AUH: variants seen among roughly 807,000 people sequenced by gnomAD.
AUH encodes AU RNA binding methylglutaconyl-CoA hydratase.
AUH carries 29 observed loss-of-function variants against 42.3 expected under a neutral mutation model. The observed-to-expected ratio is 0.69, with a 90% CI of 0.51 to 0.93. The LOEUF is 0.93. Among genes scored for constraint, AUH ranks in the 40% least tolerant of loss-of-function variants. The probability of loss-of-function intolerance (pLI) is 0.00; values close to 1 mark genes in which losing one functional copy is unlikely to be tolerated. For missense variants in AUH, 452 were observed against 438.1 expected (o/e 1.03, Z -0.28); for synonymous variants, 174 against 166.4 (o/e 1.05, Z -0.35).
In AUH at chr9:91,361,894, T is replaced by C; in HGVS notation, c.-5A>G. 1 of 1,461,890 alleles carries C rather than the reference T, an allele frequency of 6.8e-7. No individual in the cohort carries two copies. Among genetic ancestry groups the C allele is most frequent in the Non-Finnish European group, 9.0e-7 (1 of 1,113,126 alleles). The allele number at this position is 1,461,890 out of a possible 1,614,324, so 90.6% of individuals were successfully genotyped here. ...CGCCGCCACCGCGGCCGCCATGTTG[T>C]CTGTTTACGGCGTGGACCTGCGACG... is the stretch of plus-strand genomic sequence containing the variant. On this transcript the variant is annotated 5_prime_UTR_variant, in exon 1 of 10. Transcript: ENST00000375731.
intron 6 of AUH, among the ~76,000 whole-genome samples, chr9:91,286,649 T>C (rs972595430): frequency 6.7e-6 from 1 of 150,268 alleles, no homozygotes; most frequent in Admixed American, 6.7e-5. Context: ...TGTCTTACCC[T>C]AAACCTAACC....
At chr9:91,237,631 T>C (rs1828266105) in intron 6 of AUH, among the ~76,000 whole-genome samples, 1 of 152,236 alleles carries the variant, frequency 6.6e-6, no homozygotes, top group Admixed American at 6.5e-5. Context: ...ATTTGATGTA[T>C]GACAACCCAC....
chr9:91,354,558 A>C (rs191415069), intron 3 of AUH, among the ~76,000 whole-genome samples: 1 of 152,328 alleles, frequency 6.6e-6, no homozygotes, highest in Admixed American at 6.5e-5. Context: ...AGAAATCTAG[A>C]ACAAATGGGC....
intron 6 of AUH, among the ~76,000 whole-genome samples, chr9:91,242,321 G>A (rs895142981): frequency 6.6e-6 from 1 of 152,198 alleles, no homozygotes; most frequent in Non-Finnish European, 1.5e-5. Context: ...AGCACACACT[G>A]TAAGGAGCAT....
intron 6 of AUH, among the ~76,000 whole-genome samples, chr9:91,272,310 C>T (rs1825203786): frequency 6.6e-6 from 1 of 152,208 alleles, no homozygotes; most frequent in Non-Finnish European, 1.5e-5. Context: ...TTTAATCCCA[C>T]TACACCTGTG....
chr9:91,347,099 C>A (rs112620624), intron 3 of AUH, among the ~76,000 whole-genome samples: 10,687 of 152,102 alleles, frequency 0.07, 660 homozygotes, highest in East Asian at 0.26. Context: ...CACAGTGGCA[C>A]AATCACAGCT....
chr9:91,361,846 A>C lies in AUH; in HGVS notation c.44T>G (p.Leu15Arg). The change falls in exon 1 of 10, where the codon CTG (leucine) becomes CGG (arginine). Residue 15 changes from leucine (L) to arginine (R), a missense_variant. Coordinates refer to ENST00000375731, the MANE Select transcript of AUH (RefSeq NM_001698.3). ...CACCAGGCGGGCGCCGCCAGCATGCAGGGATCCCAAGGCCCCAGGTGCCGC... is the reference window on the plus strand; with the variant it reads ...CACCAGGCGGGCGCCGCCAGCATGCCGGGATCCCAAGGCCCCAGGTGCCGC... ...VAAAPGALGS[L>R]HAGGARLVAA... 6.7e-7 allele frequency: 1 copy of C among 1,491,832 alleles called. No homozygotes were observed. Among genetic ancestry groups the C allele is most frequent in the Non-Finnish European group, 8.9e-7 (1 of 1,126,984 alleles). The allele number at this position is 1,491,832 out of a possible 1,614,324, so 92.4% of individuals were successfully genotyped here. A position where few individuals can be genotyped will look rare whatever the true frequency, so the allele number is the denominator to read the frequency against.
chr9:91,275,746 C>T (rs1043716833), intron 6 of AUH, among the ~76,000 whole-genome samples: 1 of 152,164 alleles, frequency 6.6e-6, no homozygotes, highest in Non-Finnish European at 1.5e-5. Flanking sequence ...CACTGAAATG[C>T]TAGTGATCAA....
chr9:91,280,725 G>A (rs375670539), intron 6 of AUH, among the ~76,000 whole-genome samples: 3 of 152,106 alleles, frequency 2.0e-5, no homozygotes, highest in African/African-American at 4.8e-5. Flanking sequence ...TACACACTGA[G>A]GACTTACCAG....
At chr9:91,331,757 T>C (rs1484177332) in intron 3 of AUH, among the ~76,000 whole-genome samples, 1 of 152,232 alleles carries the variant, frequency 6.6e-6, no homozygotes, top group South Asian at 2.1e-4. Context: ...TAAATTTCTA[T>C]ACTTATATTT....
intron 3 of AUH, among the ~76,000 whole-genome samples, chr9:91,345,289 G>A (rs1831410998): frequency 6.6e-6 from 1 of 152,060 alleles, no homozygotes; most frequent in African/African-American, 2.4e-5. Flanking sequence ...TACCTTTGTA[G>A]AAAACCCCAG....
At chr9:91,237,547 C>A (rs1346719400) in intron 6 of AUH, among the ~76,000 whole-genome samples, 1 of 152,092 alleles carries the variant, frequency 6.6e-6, no homozygotes, top group Non-Finnish European at 1.5e-5. Flanking sequence ...AAGGTGGTTC[C>A]CTAGTATCCT....
intron 6 of AUH, among the ~76,000 whole-genome samples, chr9:91,286,355 A>C (rs1311936626): frequency 6.6e-6 from 1 of 152,088 alleles, no homozygotes; most frequent in Non-Finnish European, 1.5e-5. Flanking sequence ...AAAAAAGACA[A>C]AACTGGAGTT....
chr9:91,295,740 G>A (rs1827273954), intron 6 of AUH, among the ~76,000 whole-genome samples: 1 of 152,204 alleles, frequency 6.6e-6, no homozygotes, highest in Non-Finnish European at 1.5e-5. Flanking sequence ...TAATGGTACT[G>A]CATGCTTAAC....
In AUH at chr9:91,283,049, T is replaced by C. The variant is rs181672279; in HGVS notation, c.655+12972A>G. 3.0e-3 allele frequency among the ~76,000 whole-genome samples: 459 copies of C among 152,012 alleles called. 4 individuals are homozygous for C. In the South Asian group the frequency reaches 0.03, roughly 10 times the overall value. On this transcript the variant is annotated intron_variant, in intron 6 of 9. Transcript: ENST00000375731. ...CACCAATATCCCTGATGAACATCGG[T>C]GCAAAAATCCTCAATAAAATACTGG...
intron 6 of AUH, among the ~76,000 whole-genome samples, chr9:91,232,678 C>G (rs56380204): frequency 5.3e-5 from 8 of 152,218 alleles, no homozygotes; most frequent in Non-Finnish European, 5.9e-5. Flanking sequence ...GGCCACTGCC[C>G]TTCCCTTTCT....
At chr9:91,338,925 T>TATTCATAGATTATTCATATTCAAAGAG (rs1830898576) in intron 3 of AUH, among the ~76,000 whole-genome samples, 1 of 152,204 alleles carries the variant, frequency 6.6e-6, no homozygotes, top group Non-Finnish European at 1.5e-5. Context: ...CTTCTATGAT[T>TATTCATAGATTATTCATATTCAAAGAG]ATATCTCTTT....
At chr9:91,359,786 C>T (rs1457057994) in intron 1 of AUH, among the ~76,000 whole-genome samples, 1 of 152,080 alleles carries the variant, frequency 6.6e-6, no homozygotes, top group Non-Finnish European at 1.5e-5. Flanking sequence ...ATTTTGGACC[C>T]ACCTCTAAGA....
intron 6 of AUH, among the ~76,000 whole-genome samples, chr9:91,293,689 G>A (rs1291437494): frequency 4.6e-5 from 7 of 152,238 alleles, no homozygotes; most frequent in East Asian, 1.9e-4. Context: ...GAAGCAGCAC[G>A]TGCTGATGTA....
Sources: gnomAD v4.1 joint callset for allele counts (sites outside exome capture counted in the v4.1 genomes callset) on GRCh38, gnomAD v4.1.1 for gene constraint, MANE v1.5 for transcripts, NCBI Gene and HGNC (gene_info 2026-07-23, HGNC 2026-07-21) for gene names.